FAM3B: variants seen among roughly 807,000 people sequenced by gnomAD.
FAM3B encodes FAM3 metabolism regulating signaling molecule B.
Under a neutral mutation model 28.4 loss-of-function variants are expected in FAM3B, and 29 were observed. The observed-to-expected ratio is 1.02, with a 90% CI of 0.76 to 1.39. FAM3B has a LOEUF of 1.39. Among genes scored for constraint, FAM3B ranks in the 40% most tolerant of loss-of-function variants. The pLI, the probability that FAM3B is intolerant of heterozygous loss-of-function variation, is 0.00. For synonymous variants in FAM3B, 91 were observed against 103.0 expected, an observed-to-expected ratio of 0.88 and a Z score of 0.71; for missense variants, 266 against 293.9, an observed-to-expected ratio of 0.91 and a Z score of 0.69.
upstream of FAM3B, among the ~76,000 whole-genome samples, chr21:41,314,951 T>C (rs921188624): frequency 2.0e-5 from 3 of 152,080 alleles, no homozygotes; most frequent in Non-Finnish European, 2.9e-5. Flanking sequence ...TCCAAAAGAA[T>C]TGAAAGCAGG....
At chr21:41,323,157 G>T (rs751830270) in intron 2 of FAM3B, 91 bp downstream of exon 2, 13 of 1,518,042 alleles carry the variant, frequency 8.6e-6, no homozygotes, top group Non-Finnish European at 1.2e-5. Context: ...AGGCTGGGGG[G>T]CCCTGACGGC....
At chr21:41,331,790 G>A (rs2088907656) in intron 2 of FAM3B, among the ~76,000 whole-genome samples, 1 of 152,124 alleles carries the variant, frequency 6.6e-6, no homozygotes, top group South Asian at 2.1e-4. Flanking sequence ...TATCATGAAA[G>A]GATTTCAATT....
chr21:41,346,797 A>G (rs1306310554), intron 5 of FAM3B, among the ~76,000 whole-genome samples: 1 of 151,558 alleles, frequency 6.6e-6, no homozygotes, highest in Non-Finnish European at 1.5e-5. Flanking sequence ...TTTTCCTTCT[A>G]CGCTGTGCCA....
intron 1 of FAM3B, among the ~76,000 whole-genome samples, chr21:41,304,914 T>C (rs1001173155): frequency 2.2e-4 from 34 of 152,102 alleles, no homozygotes; most frequent in Non-Finnish European, 3.2e-4. Context: ...CAGGGGCTGC[T>C]GGAGTGAAGG....
In FAM3B at chr21:41,316,831, G is replaced by A; in HGVS notation, c.-49G>A. ...TGACCCAGGGGCTCCGCTGGCTGCGGTCGCCTGGGAGCTGCCGCCAGGGCC... is the reference window on the plus strand; with the variant it reads ...TGACCCAGGGGCTCCGCTGGCTGCGATCGCCTGGGAGCTGCCGCCAGGGCC... On this transcript the variant is annotated 5_prime_UTR_variant, in exon 1 of 8. Coordinates refer to ENST00000357985, the MANE Select transcript of FAM3B (RefSeq NM_058186.4). 7.0e-7 allele frequency: 1 copy of A among 1,429,740 alleles called. No homozygotes were observed. 88.6% of individuals were successfully genotyped at this position (1,429,740 alleles called of 1,614,324 possible).
At chr21:41,320,970 A>T (rs1361304092) in intron 1 of FAM3B, 1 of 152,138 alleles carries the variant, frequency 6.6e-6, no homozygotes, top group Non-Finnish European at 1.5e-5. Context: ...CTTGTTACAC[A>T]TTCAAAAGGT....
chr21:41,344,094 T>G (rs1319931708), intron 3 of FAM3B, among the ~76,000 whole-genome samples: 1 of 152,218 alleles, frequency 6.6e-6, no homozygotes, highest in African/African-American at 2.4e-5. Flanking sequence ...CACTCCAGCC[T>G]GGGTGACAGA....
Position 41,345,710 on chromosome 21 carries a change from C to A in FAM3B, c.371C>A (p.Thr124Lys). 1.9e-6 allele frequency: 3 copies of A among 1,545,420 alleles called. No individual in the cohort carries two copies. The highest frequency in any genetic ancestry group is 2.6e-6 in the Non-Finnish European group (3 of 1,151,360). ...GATGTAACTGGGAATGTGACAGCAA[C>A]ACGATGTTTTGATATGTATGAAGGT... Reference protein sequence around the residue: ...VNYVTGNVTATRCFDMYEGDN... With the variant: ...VNYVTGNVTAKRCFDMYEGDN... Residue 124 changes from threonine to lysine, a missense_variant, in exon 5 of 8, where the codon ACA (threonine) becomes AAA (lysine). By Grantham distance (78) the Thr-to-Lys change is moderately conservative. Coordinates refer to ENST00000357985, the MANE Select transcript of FAM3B (RefSeq NM_058186.4).
intron 7 of FAM3B, among the ~76,000 whole-genome samples, chr21:41,353,737 A>G (rs2089141014): frequency 6.6e-6 from 1 of 152,248 alleles, no homozygotes; most frequent in Non-Finnish European, 1.5e-5. Flanking sequence ...AATTTTTGTG[A>G]CTTTGGTTTA....
At chr21:41,355,503 A>G (rs1363974536) in intron 7 of FAM3B, among the ~76,000 whole-genome samples, 2 of 152,236 alleles carry the variant, frequency 1.3e-5, no homozygotes, top group African/African-American at 4.8e-5. Context: ...ACGTAAAGAA[A>G]TAAAATTCTG....
intron 2 of FAM3B, among the ~76,000 whole-genome samples, chr21:41,329,360 C>T (rs945740182): frequency 6.6e-6 from 1 of 152,164 alleles, no homozygotes; most frequent in Non-Finnish European, 1.5e-5. Flanking sequence ...CCACGGGGGA[C>T]GTGAATCCTC....
At chr21:41,347,395 C>G (rs892607163) in intron 6 of FAM3B, among the ~76,000 whole-genome samples, 1 of 152,076 alleles carries the variant, frequency 6.6e-6, no homozygotes, top group Non-Finnish European at 1.5e-5. Context: ...GGACAGAAAG[C>G]CTAAACCCAG....
At chr21:41,323,493 G>A (rs2088828421) in intron 2 of FAM3B, among the ~76,000 whole-genome samples, 1 of 152,236 alleles carries the variant, frequency 6.6e-6, no homozygotes, top group Non-Finnish European at 1.5e-5. Flanking sequence ...AGAAAGGGCA[G>A]ACATTGTATG....
chr21:41,342,325 T>C (rs1776947255), intron 3 of FAM3B, among the ~76,000 whole-genome samples: 1 of 152,210 alleles, frequency 6.6e-6, no homozygotes, highest in African/African-American at 2.4e-5. Context: ...CTTTTGTTGT[T>C]TTATCTTCTT....
chr21:41,327,136 C>G (rs2088861536), intron 2 of FAM3B, among the ~76,000 whole-genome samples: 1 of 152,232 alleles, frequency 6.6e-6, no homozygotes, highest in Non-Finnish European at 1.5e-5. Context: ...TAAACTTTAC[C>G]TGGAAAACAT....
Position 41,308,540 on chromosome 21 carries a change from T to C in FAM3B, n.99+4230T>C, listed in dbSNP as rs56321328. ...TTGGTTTTTGTTTTTCTTTTCTTTT[T>C]TTTTTTTTTTTTTTTTGAGACAGAG... On this transcript the variant is annotated intron_variant and non_coding_transcript_variant, in intron 1 of 9. Coordinates refer to the FAM3B transcript ENST00000479810. 6.4e-3 allele frequency among the ~76,000 whole-genome samples: 870 copies of C among 136,846 alleles called. 9 individuals are homozygous for C. The highest frequency in any genetic ancestry group is 0.026 in the African/African-American group (816 of 31,128). The allele number at this position is 136,846 out of a possible 152,430, so 89.8% of individuals were successfully genotyped here. A position where few individuals can be genotyped will look rare whatever the true frequency, so the allele number is the denominator to read the frequency against.
At chr21:41,306,330 A>C (rs2088683022) in intron 1 of FAM3B, among the ~76,000 whole-genome samples, 1 of 152,226 alleles carries the variant, frequency 6.6e-6, no homozygotes, top group African/African-American at 2.4e-5. Context: ...TCCTCCCATG[A>C]ATCACAAATG....
At chr21:41,319,382 A>C (rs1248305638) in intron 1 of FAM3B, 1 of 152,100 alleles carries the variant, frequency 6.6e-6, no homozygotes, top group Non-Finnish European at 1.5e-5. Flanking sequence ...TTGCTCTAAC[A>C]CTCATCCTGT....
intron 2 of FAM3B, among the ~76,000 whole-genome samples, chr21:41,335,087 G>A (rs1284276252): frequency 6.6e-6 from 1 of 152,190 alleles, no homozygotes; most frequent in Non-Finnish European, 1.5e-5. Flanking sequence ...CCCACTGCTT[G>A]TACCTCCATT....
Sources: allele counts gnomAD v4.1 joint callset (sites outside exome capture counted in the v4.1 genomes callset), GRCh38; gene constraint gnomAD v4.1.1; transcripts MANE v1.5; gene names NCBI Gene and HGNC (gene_info 2026-07-23, HGNC 2026-07-21).